PTPRD: variants seen among roughly 807,000 people sequenced by gnomAD.
The protein encoded by PTPRD is receptor-type tyrosine-protein phosphatase delta.
A neutral mutation model predicts 214.5 loss-of-function variants in PTPRD; 34 were observed. The ratio of observed to expected loss-of-function variants is 0.16; its 90% confidence interval spans 0.12 to 0.21. The LOEUF is 0.21. PTPRD is among the 10% of genes least tolerant of loss of function. The pLI, the probability that PTPRD is intolerant of heterozygous loss-of-function variation, is 1.00. For synonymous variants in PTPRD, 1,128 were observed against 845.7 expected (o/e 1.33, Z -5.79); for missense variants, 2,545 against 2,398.7 (o/e 1.06, Z -1.27).
In PTPRD at chr9:9,404,803, G is replaced by A. The variant is rs1428831082; in HGVS notation, c.-236-7321C>T. Reference sequence around the variant, plus strand: ...AGCACATTAGAGAGTTTAGGCCAGAGCCCCGAGAAGTCCTGATATTAAGAG... The same window carrying A: ...AGCACATTAGAGAGTTTAGGCCAGAACCCCGAGAAGTCCTGATATTAAGAG... On this transcript the variant is annotated intron_variant, in intron 8 of 45. Transcript: ENST00000381196. 1.3e-5 allele frequency among the ~76,000 whole-genome samples: 2 copies of A among 152,038 alleles called. 1 individual carries two copies. Among genetic ancestry groups the A allele is most frequent in the African/African-American group, 4.8e-5 (2 of 41,432 alleles).
intron 9 of PTPRD, among the ~76,000 whole-genome samples, chr9:9,335,554 T>A (rs1348416888): frequency 6.6e-6 from 1 of 152,126 alleles, no homozygotes; most frequent in Non-Finnish European, 1.5e-5. Flanking sequence ...CTTTTAAAGC[T>A]GGTATTTATT....
At chr9:9,605,968 TA>T (rs2094127079) in intron 7 of PTPRD, among the ~76,000 whole-genome samples, 1 of 152,046 alleles carries the variant, frequency 6.6e-6, no homozygotes, top group South Asian at 2.1e-4. Flanking sequence ...GTCATTTAAA[TA>T]ACTCATGCTA....
chr9:10,453,479 T>C (rs558665564), intron 2 of PTPRD, among the ~76,000 whole-genome samples: 5 of 151,758 alleles, frequency 3.3e-5, no homozygotes, highest in East Asian at 3.9e-4. Flanking sequence ...TTCTTCAATA[T>C]CTTCCCTCAA....
chr9:10,439,486 T>G (rs2098744963), intron 2 of PTPRD, among the ~76,000 whole-genome samples: 1 of 151,826 alleles, frequency 6.6e-6, no homozygotes, highest in Non-Finnish European at 1.5e-5. Flanking sequence ...ATTGGACATT[T>G]ATTTACAAGG....
At chr9:9,433,255 T>TCAGGAA (rs1179592036) in intron 8 of PTPRD, among the ~76,000 whole-genome samples, 1 of 152,180 alleles carries the variant, frequency 6.6e-6, no homozygotes, top group Non-Finnish European at 1.5e-5. Flanking sequence ...TTGTATGTCA[T>TCAGGAA]CAGGAACAGT....
chr9:9,047,762 C>T (rs897636904), intron 10 of PTPRD, among the ~76,000 whole-genome samples: 1 of 151,968 alleles, frequency 6.6e-6, no homozygotes, highest in Non-Finnish European at 1.5e-5. Context: ...AATCTAAGAC[C>T]TCACACTATA....
In PTPRD at chr9:9,768,012, T is replaced by C. The variant is rs138592364; in HGVS notation, c.-367-1161A>G. ...ACAGCACAAAATACAAGTGCATCCA[T>C]ACATACACCATCACTTAGATCATAT... is the stretch of plus-strand genomic sequence containing the variant. On this transcript the variant is annotated intron_variant, in intron 5 of 45. Coordinates refer to ENST00000381196, the MANE Select transcript of PTPRD (RefSeq NM_002839.4). 5.7e-3 allele frequency among the ~76,000 whole-genome samples: 863 copies of C among 152,276 alleles called. 11 individuals carry two copies. The highest frequency in any genetic ancestry group is 0.019 in the African/African-American group (798 of 41,578).
At chr9:10,104,518 C>G (rs1452079104) in intron 3 of PTPRD, among the ~76,000 whole-genome samples, 1 of 151,618 alleles carries the variant, frequency 6.6e-6, no homozygotes, top group African/African-American at 2.4e-5. Context: ...GATTATGTAA[C>G]TCATAGCCAA....
At chr9:9,330,045 G>A (rs1338388577) in intron 9 of PTPRD, among the ~76,000 whole-genome samples, 1 of 152,056 alleles carries the variant, frequency 6.6e-6, no homozygotes, top group Non-Finnish European at 1.5e-5. Context: ...ATTTAGGATG[G>A]CGGATTGGGT....
At chr9:9,405,846 T>C (rs1287546674) in intron 8 of PTPRD, among the ~76,000 whole-genome samples, 2 of 152,014 alleles carry the variant, frequency 1.3e-5, no homozygotes, top group African/African-American at 4.8e-5. Context: ...GAATGTGTAT[T>C]GATGTTTGTC....
rs1448755385 is a variant in PTPRD at position 8,485,979 on chromosome 9, C to T, written c.2838G>A (p.Glu946=). ...QLSWQPPVLA[E]RNGIITKYTL... ...TATACTTGGTGATAATGCCATTTCT[C>T]TCTGCCAGGACAGGTGGTTGCCAAG... Residue 946 remains glutamate, a synonymous_variant, in exon 28 of 46, where the codon GAG becomes GAA. Coordinates refer to ENST00000381196, the MANE Select transcript of PTPRD (RefSeq NM_002839.4). 1 of 1,614,152 alleles carries T rather than the reference C, an allele frequency of 6.2e-7. No individual in the cohort carries two copies. The highest frequency in any genetic ancestry group is 8.5e-7 in the Non-Finnish European group (1 of 1,180,018).
intron 3 of PTPRD, among the ~76,000 whole-genome samples, chr9:10,270,803 G>C (rs555004717): frequency 4.5e-4 from 68 of 152,178 alleles, no homozygotes; most frequent in African/African-American, 1.6e-3. Flanking sequence ...ACATTGTACA[G>C]TTTTTCCTAA....
chr9:9,421,998 AC>A (rs1209929780), intron 8 of PTPRD, among the ~76,000 whole-genome samples: 8 of 152,098 alleles, frequency 5.3e-5, no homozygotes, highest in Non-Finnish European at 1.0e-4. Context: ...GAAAAAAAAA[AC>A]AAAAAAACAG....
intron 10 of PTPRD, among the ~76,000 whole-genome samples, chr9:9,039,118 G>A (rs1014915081): frequency 1.3e-5 from 2 of 152,116 alleles, no homozygotes; most frequent in Non-Finnish European, 2.9e-5. Context: ...CATACAACAA[G>A]CTATACACAT....
intron 9 of PTPRD, among the ~76,000 whole-genome samples, chr9:9,226,456 G>A (rs900185115): frequency 3.9e-5 from 6 of 151,970 alleles, no homozygotes; most frequent in African/African-American, 1.4e-4. Flanking sequence ...CAGTCAGGAT[G>A]ATAAAACTCA....
At chr9:10,342,056 A>G (rs539769572) in intron 2 of PTPRD, among the ~76,000 whole-genome samples, 2 of 152,168 alleles carry the variant, frequency 1.3e-5, no homozygotes, top group Non-Finnish European at 2.9e-5. Flanking sequence ...ATAAATTGCA[A>G]TTAAAGGGAT....
chr9:10,469,176 AC>A (rs2099014065), intron 2 of PTPRD, among the ~76,000 whole-genome samples: 1 of 152,106 alleles, frequency 6.6e-6, no homozygotes, highest in African/African-American at 2.4e-5. Flanking sequence ...CAAAAGACAA[AC>A]ATTATGGTTG....
chr9:9,909,314 A>C lies in PTPRD; in HGVS notation c.-368+29193T>G, dbSNP rs543473044. 3.4e-3 allele frequency among the ~76,000 whole-genome samples: 484 copies of C among 142,332 alleles called. 5 individuals are homozygous for C. The highest frequency in any genetic ancestry group is 3.0e-3 in the Non-Finnish European group (197 of 65,628). The allele number at this position is 142,332 out of a possible 152,430, so 93.4% of individuals were successfully genotyped here. ...GATTTTAGGTTGAGTTTTTAATCTG[A>C]AAGTTTTTTTTTTTTTTTTACGGCT... On this transcript the variant is annotated intron_variant, in intron 5 of 45. Transcript: ENST00000381196.
At chr9:10,139,798 C>T (rs1564070162) in intron 3 of PTPRD, among the ~76,000 whole-genome samples, 1 of 151,944 alleles carries the variant, frequency 6.6e-6, no homozygotes, top group East Asian at 1.9e-4. Flanking sequence ...GCAAAGATTC[C>T]CTATTCAATA....
Sources: allele counts gnomAD v4.1 joint callset (sites outside exome capture counted in the v4.1 genomes callset), GRCh38; gene constraint gnomAD v4.1.1; transcripts MANE v1.5; gene names NCBI Gene and HGNC (gene_info 2026-07-23, HGNC 2026-07-21).